The following TUBA4A variants were observed in gnomAD, a reference collection of about 807,000 sequenced individuals.
The protein encoded by TUBA4A is tubulin alpha-4A chain.
TUBA4A carries 23 observed loss-of-function variants against 34.3 expected under a neutral mutation model. The ratio of observed to expected loss-of-function variants is 0.67; its 90% CI spans 0.48 to 0.95. The LOEUF (loss-of-function observed/expected upper bound fraction) is 0.95, where lower values mean the gene tolerates loss of function less well. Ranked by LOEUF, TUBA4A falls within the 40% of genes least tolerant of loss-of-function variation. TUBA4A has a pLI of 0.00. For synonymous variants in TUBA4A, 216 were observed against 230.5 expected (o/e 0.94, Z 0.57); for missense variants, 279 against 599.0 (o/e 0.47, Z 5.58).
rs1228261084 is a variant in TUBA4A, at chr2:219,250,765, A to G, written c.934T>C (p.Tyr312His). The change falls in exon 4 of 4, where the codon TAC (tyrosine) becomes CAC (histidine). Residue 312 changes from tyrosine (Y) to histidine (H), a missense_variant. Transcript: ENST00000248437. The surrounding 1 kb of genome is among the most constrained non-coding windows in gnomAD (Gnocchi z 8.4). ...CGGTACAGCAGGCAGCAGGCCATGT[A>G]CTTGCCGTGCCGGGGATCACACTTT... ...MVKCDPRHGKYMACCLLYRGD... is the reference protein window; with the variant it reads ...MVKCDPRHGKHMACCLLYRGD... 6.2e-7 allele frequency: 1 copy of G among 1,614,226 alleles called. No homozygotes were observed. The highest frequency in any genetic ancestry group is 8.5e-7 in the Non-Finnish European group (1 of 1,180,030).
rs1472007596 is a variant in TUBA4A at position 219,250,536 on chromosome 2, C to T, written c.1163G>A (p.Trp388Ter). Reference protein sequence around the residue: ...LSNTTAIAEAWARLDHKFDLM... With the variant: ...LSNTTAIAEA The stretch of plus-strand genomic sequence containing the variant: ...GTCGAACTTGTGGTCCAGGCGGGCC[C>T]AGGCCTCGGCGATGGCGGTCGTGTT... Residue 388 changes from tryptophan to a stop codon, truncating the protein, a stop_gained, in exon 4 of 4, where the codon TGG becomes TAG. Transcript: ENST00000248437. LOFTEE classifies it high-confidence loss of function. The surrounding 1 kb of genome is among the most constrained non-coding windows in gnomAD (Gnocchi z 8.4). The T allele has an allele frequency of 1.2e-6, 2 of 1,614,086 alleles. No individual in the cohort carries two copies. The highest frequency in any genetic ancestry group is 2.7e-5 in the African/African-American group (2 of 74,924).
In TUBA4A at chr2:219,249,990, T is replaced by C. The variant is rs1951617771; in HGVS notation, c.*362A>G. 4.9e-6 allele frequency: 1 copy of C among 205,152 alleles called. No homozygotes were observed. Among genetic ancestry groups the C allele is most frequent in the Admixed American group, 5.2e-5 (1 of 19,096 alleles). The allele number at this position is 205,152 out of a possible 1,614,324, so 12.7% of individuals were successfully genotyped here. ...CAGCAGGAAGAACAGGGTAGCAGTC[T>C]AACTTTCAAAGACAGAAACCACTGG... is the stretch of plus-strand genomic sequence containing the variant. On this transcript the variant is annotated 3_prime_UTR_variant, in exon 4 of 4. Transcript: ENST00000248437.
chr2:219,250,367 A>G lies in TUBA4A; in HGVS notation c.1332T>C (p.Asp444=). ...GGCAGCTGCTTTATTCTTCTCCCTCATCCTCGTCCTCATAGGAGTCGATGC... is the reference window on the plus strand; with the variant it reads ...GGCAGCTGCTTTATTCTTCTCCCTCGTCCTCGTCCTCATAGGAGTCGATGC... The part of the protein sequence containing the change: ...EVGIDSYEDE[D]EGEE The change falls in exon 4 of 4, where the codon GAT becomes GAC. Residue 444 remains aspartate, a synonymous_variant. Coordinates refer to ENST00000248437, the MANE Select transcript of TUBA4A (RefSeq NM_006000.3). The surrounding 1 kb of genome is among the most constrained non-coding windows in gnomAD (Gnocchi z 8.4). 6.2e-7 allele frequency: 1 copy of G among 1,611,746 alleles called. No homozygotes were observed.
chr2:219,252,696 C>T lies in TUBA4A; in HGVS notation c.4-466G>A, dbSNP rs889075443. 1 of 449,690 alleles carries T rather than the reference C, an allele frequency of 2.2e-6. No individual in the cohort carries two copies. Among genetic ancestry groups the T allele is most frequent in the Non-Finnish European group, 4.7e-6 (1 of 212,334 alleles). The allele number at this position is 449,690 out of a possible 1,614,324, so 27.9% of individuals were successfully genotyped here. ...GCCATCAGGATGCCCTCCTCCCTCA[C>T]CTTTAAATCCCATCTGGCTCTGGGG... On this transcript the variant is annotated intron_variant, in intron 1 of 3. Transcript: ENST00000248437. This position sits in a 1 kb window ranked among gnomAD's most constrained non-coding sequence, Gnocchi z 4.1.
chr2:219,253,508 A>C, intron 1 of TUBA4A: 1 of 1,116,624 alleles, frequency 9.0e-7, no homozygotes, highest in Non-Finnish European at 1.3e-6. Context: ...GGGCAGCCAA[A>C]CCCGTCTTCT....
Position 219,251,727 on chromosome 2 carries a change from AACC to A in TUBA4A, c.227-17_227-15del. The A allele has an allele frequency of 2.5e-6, 4 of 1,610,568 alleles. No homozygotes were observed. Among genetic ancestry groups the A allele is most frequent in the Non-Finnish European group, 3.4e-6 (4 of 1,177,594 alleles). On this transcript the variant is annotated splice_polypyrimidine_tract_variant and intron_variant, in intron 2 of 3. Transcript: ENST00000248437. This position sits in a 1 kb window ranked among gnomAD's most constrained non-coding sequence, Gnocchi z 6.1. Reference sequence around the variant, plus strand: ...TTCGGATCTCATCTGGAAGGGCAAAAACCACAAAGCTATGCTCAGCAGGGACCT... The same window carrying A: ...TTCGGATCTCATCTGGAAGGGCAAAAACAAAGCTATGCTCAGCAGGGACCT...
Position 219,251,267 on chromosome 2 carries a change from GC to G in TUBA4A, c.431del (p.Gly144AlafsTer10), listed in dbSNP as rs1559276419. The G allele has an allele frequency of 6.2e-7, 1 of 1,614,034 alleles. No individual in the cohort carries two copies. The highest frequency in any genetic ancestry group is 2.2e-5 in the East Asian group (1 of 44,876). ...GGAGTGAGGTGAAGCCAGAGCCAGT[GC>G]CCCCACCAAAGCTGTGGAACACCAG... The part of the protein sequence containing the change: ...GFLVFHSFGG[G>X]TGSGFTSLLM... On this transcript the variant is annotated frameshift_variant, in exon 4 of 4. Coordinates refer to ENST00000248437, the MANE Select transcript of TUBA4A (RefSeq NM_006000.3). LOFTEE classifies it high-confidence loss of function. The surrounding 1 kb of genome is among the most constrained non-coding windows in gnomAD (Gnocchi z 6.1).
chr2:219,253,387 G>A (rs1293404755), intron 1 of TUBA4A: 9 of 1,534,710 alleles, frequency 5.9e-6, no homozygotes, highest in Non-Finnish European at 7.0e-6. Context: ...TAGTTGGAAT[G>A]CATACACAGA....
In TUBA4A at chr2:219,252,567, G is replaced by A. The variant is rs1951666158; in HGVS notation, c.4-337C>T. Among the ~76,000 whole-genome samples, 1 of 149,172 alleles carries A rather than the reference G, an allele frequency of 6.7e-6. No homozygotes were observed. The highest frequency in any genetic ancestry group is 6.7e-5 in the Admixed American group (1 of 14,980). On this transcript the variant is annotated intron_variant, in intron 1 of 3. Coordinates refer to ENST00000248437, the MANE Select transcript of TUBA4A (RefSeq NM_006000.3). The surrounding 1 kb of genome is among the most constrained non-coding windows in gnomAD (Gnocchi z 4.1). ...CCCCCCCCCACTTGATTAATTATTT[G>A]CTTTGAGTATGAACAGCTAGAATTC... is the stretch of plus-strand genomic sequence containing the variant.
chr2:219,253,265 G>A (rs927818404), intron 1 of TUBA4A: 5 of 1,492,864 alleles, frequency 3.3e-6, no homozygotes. Context: ...CCGCGCACCC[G>A]GGCTTCGGCT....
At position 219,250,966 on chromosome 2, in the gene TUBA4A, C is replaced by G; in HGVS notation, c.733G>C (p.Asp245His). Residue 245 changes from aspartate to histidine, a missense_variant, in exon 4 of 4, where the codon GAC becomes CAC. Asp to His is a moderately conservative substitution (Grantham distance 81). Coordinates refer to ENST00000248437, the MANE Select transcript of TUBA4A (RefSeq NM_006000.3). The surrounding 1 kb of genome is among the most constrained non-coding windows in gnomAD (Gnocchi z 8.4). The part of the protein sequence containing the change: ...VSSITASLRF[D>H]GALNVDLTEF... ...GTCAGGTCCACATTGAGGGCCCCGTCAAAGCGCAGAGAAGCTGTGATGGAG... is the reference window on the plus strand; with the variant it reads ...GTCAGGTCCACATTGAGGGCCCCGTGAAAGCGCAGAGAAGCTGTGATGGAG... 6.2e-7 allele frequency: 1 copy of G among 1,614,134 alleles called. No homozygotes were observed. Among genetic ancestry groups the G allele is most frequent in the Non-Finnish European group, 8.5e-7 (1 of 1,180,006 alleles).
Position 219,252,264 on chromosome 2 carries a change from C to T in TUBA4A, c.4-34G>A. ...TAGAGAGAGGGGACACAGCATGAGC[C>T]CCACATCCACAAGTCCTCACCTTGC... On this transcript the variant is annotated intron_variant, in intron 1 of 3. Transcript: ENST00000248437. The surrounding 1 kb of genome is among the most constrained non-coding windows in gnomAD (Gnocchi z 4.1). 1 of 1,581,390 alleles carries T rather than the reference C, an allele frequency of 6.3e-7. No individual in the cohort carries two copies. The highest frequency in any genetic ancestry group is 8.7e-7 in the Non-Finnish European group (1 of 1,152,186).
intron 1 of TUBA4A, chr2:219,253,302 C>T (rs1224661899): frequency 1.3e-5 from 19 of 1,515,700 alleles, no homozygotes; most frequent in Admixed American, 2.0e-5. Context: ...CTTCAGGAGG[C>T]CGAACCCCGT....
rs1045826438 is a variant in TUBA4A at position 219,253,767 on chromosome 2, G to C, written c.3+89C>G. ...CTCCTGGAGACCCGGAACGCCCGGT[G>C]GAGGTCCCCGAGCATGCCTGGAAGA... On this transcript the variant is annotated intron_variant, in intron 1 of 3. Coordinates refer to ENST00000248437, the MANE Select transcript of TUBA4A (RefSeq NM_006000.3). The C allele has an allele frequency of 2.7e-6, 4 of 1,472,132 alleles. No homozygotes were observed. In the African/African-American group the frequency reaches 5.6e-5, roughly 21 times the overall value. 91.2% of individuals were successfully genotyped at this position (1,472,132 alleles called of 1,614,324 possible).
At position 219,251,912 on chromosome 2, in the gene TUBA4A, A is replaced by G; in HGVS notation, c.226+96T>C. On this transcript the variant is annotated intron_variant, in intron 2 of 3. Coordinates refer to ENST00000248437, the MANE Select transcript of TUBA4A (RefSeq NM_006000.3). The surrounding 1 kb of genome is among the most constrained non-coding windows in gnomAD (Gnocchi z 6.1). ...GCTTCAAGTACGGCTAGGAATTTTCAGGGCTAGGAATGCCTGGTCTAAATA... is the reference window on the plus strand; with the variant it reads ...GCTTCAAGTACGGCTAGGAATTTTCGGGGCTAGGAATGCCTGGTCTAAATA... 7.1e-7 allele frequency: 1 copy of G among 1,415,184 alleles called. No homozygotes were observed. Among genetic ancestry groups the G allele is most frequent in the Non-Finnish European group, 9.7e-7 (1 of 1,027,748 alleles). The allele number at this position is 1,415,184 out of a possible 1,614,324, so 87.7% of individuals were successfully genotyped here. A position where few individuals can be genotyped will look rare whatever the true frequency, so the allele number is the denominator to read the frequency against.
In TUBA4A at chr2:219,253,809, G is replaced by C. The variant is rs939574; in HGVS notation, c.3+47C>G. The C allele has an allele frequency of 0.87, 1,334,998 of 1,533,286 alleles. 588,985 individuals carry two copies. Among genetic ancestry groups the C allele is most frequent in the Non-Finnish European group, 0.9 (1,028,762 of 1,141,336 alleles). 95.0% of individuals were successfully genotyped at this position (1,533,286 alleles called of 1,614,324 possible). A position where few individuals can be genotyped will look rare whatever the true frequency, so the allele number is the denominator to read the frequency against. On this transcript the variant is annotated intron_variant, in intron 1 of 3. Coordinates refer to ENST00000248437, the MANE Select transcript of TUBA4A (RefSeq NM_006000.3). ...CCTGGAAGAAGTGTCCCCCAAAGGA[G>C]AGGGGCAATTAGGGGACAGGCGCGA...
chr2:219,254,468 C>T (rs927548642), upstream of TUBA4A: 1 of 152,344 alleles, frequency 6.6e-6, no homozygotes, highest in African/African-American at 2.4e-5. Context: ...GGCCGAGGAC[C>T]CAGAACTGCA....
Position 219,252,543 on chromosome 2 carries a change from C to A in TUBA4A, c.4-313G>T, listed in dbSNP as rs565260433. On this transcript the variant is annotated intron_variant, in intron 1 of 3. Transcript: ENST00000248437. This position sits in a 1 kb window ranked among gnomAD's most constrained non-coding sequence, Gnocchi z 4.1. ...AGGTATGGGTTTACAGCTAGAGGCC[C>A]CCCCCCCACTTGATTAATTATTTGC... Among the ~76,000 whole-genome samples the A allele has an allele frequency of 2.0e-5, 3 of 149,594 alleles. No homozygotes were observed. The highest frequency in any genetic ancestry group is 1.3e-4 in the Admixed American group (2 of 15,074).
rs1054971666 is a variant in TUBA4A at position 219,251,979 on chromosome 2, C to G, written c.226+29G>C. 20 of 1,602,992 alleles carry G rather than the reference C, an allele frequency of 1.2e-5. No individual in the cohort carries two copies. The East Asian group carries it at 4.2e-4, about 34-fold the overall frequency. Reference sequence around the variant, plus strand: ...AGAAGCTTTGAGTCATGCTCCACCCCCTTCAATTTTGTCCCCACTTCCTCT... The same window carrying G: ...AGAAGCTTTGAGTCATGCTCCACCCGCTTCAATTTTGTCCCCACTTCCTCT... On this transcript the variant is annotated intron_variant, in intron 2 of 3. Transcript: ENST00000248437. The surrounding 1 kb of genome is among the most constrained non-coding windows in gnomAD (Gnocchi z 6.1).
Sources: allele counts gnomAD v4.1 joint callset (sites outside exome capture counted in the v4.1 genomes callset), GRCh38; gene constraint gnomAD v4.1.1; non-coding constraint Gnocchi (gnomAD v3.1); transcripts MANE v1.5; gene names NCBI Gene and HGNC (gene_info 2026-07-23, HGNC 2026-07-21).